STX17: variants seen among roughly 807,000 people sequenced by gnomAD.
STX17 encodes the protein syntaxin-17.
A neutral mutation model predicts 35.9 loss-of-function variants in STX17; 29 were observed. The observed-to-expected ratio is 0.81, with a 90% CI of 0.60 to 1.10. STX17 has a LOEUF of 1.10. STX17 is among the 50% of genes least tolerant of loss of function. STX17 has a pLI of 0.00. For synonymous variants in STX17, 92 were observed against 118.3 expected (o/e 0.78, Z 1.44); for missense variants, 312 against 352.3 (o/e 0.89, Z 0.92).
intron 3 of STX17, among the ~76,000 whole-genome samples, chr9:99,931,668 T>C (rs1258285370): frequency 6.6e-6 from 1 of 152,188 alleles, no homozygotes; most frequent in Non-Finnish European, 1.5e-5. Flanking sequence ...ATTTACTGTC[T>C]GGTTCTTTGT....
rs548304606 is a variant in STX17, at chr9:99,943,897, G to A, written c.190-7163G>A. Among the ~76,000 whole-genome samples the A allele has an allele frequency of 5.9e-5, 9 of 152,168 alleles. No individual in the cohort carries two copies. The South Asian group carries it at 1.9e-3, about 32-fold the overall frequency. On this transcript the variant is annotated intron_variant, in intron 3 of 7. Coordinates refer to ENST00000259400, the MANE Select transcript of STX17 (RefSeq NM_017919.3). ...TTCCTTTAAATATTTGGTAGAATTG[G>A]CCAGTAAAACTATCAGGCTGGGCTT...
intron 3 of STX17, among the ~76,000 whole-genome samples, chr9:99,931,812 A>G (rs1421379061): frequency 1.3e-5 from 2 of 152,034 alleles, no homozygotes; most frequent in Admixed American, 6.6e-5. Flanking sequence ...TTTTTCTGCT[A>G]TTATGATATT....
intron 1 of STX17, among the ~76,000 whole-genome samples, chr9:99,910,541 A>G (rs1366923323): frequency 6.6e-6 from 1 of 152,074 alleles, no homozygotes; most frequent in Non-Finnish European, 1.5e-5. Context: ...TTTTTATGTT[A>G]CTTTTTTCAA....
At chr9:99,932,195 C>G (rs774973486) in intron 3 of STX17, among the ~76,000 whole-genome samples, 1 of 152,166 alleles carries the variant, frequency 6.6e-6, no homozygotes, top group African/African-American at 2.4e-5. Flanking sequence ...CCAAAGAATA[C>G]ATCTGTGGTC....
At chr9:99,934,242 G>A (rs2118398091) in intron 3 of STX17, among the ~76,000 whole-genome samples, 1 of 152,230 alleles carries the variant, frequency 6.6e-6, no homozygotes, top group South Asian at 2.1e-4. Context: ...CACTTCATAA[G>A]AATCTTTAAT....
At chr9:99,941,846 A>G (rs1829370065) in intron 3 of STX17, among the ~76,000 whole-genome samples, 1 of 152,148 alleles carries the variant, frequency 6.6e-6, no homozygotes, top group Admixed American at 6.5e-5. Context: ...TCATTGCTGT[A>G]TATATTCTAT....
chr9:99,963,760 C>G (rs1368001082), intron 6 of STX17, among the ~76,000 whole-genome samples: 1 of 152,116 alleles, frequency 6.6e-6, no homozygotes, highest in Non-Finnish European at 1.5e-5. Context: ...TAGCAACATC[C>G]TACTTATCTA....
At chr9:99,906,992 C>G (rs890024354) in intron 1 of STX17, 2 of 151,534 alleles carry the variant, frequency 1.3e-5, no homozygotes, top group African/African-American at 4.8e-5. Context: ...CGCGTCCTGT[C>G]TCTGGCGCGC....
intron 4 of STX17, among the ~76,000 whole-genome samples, chr9:99,952,030 CT>C (rs753094064): frequency 2.0e-5 from 3 of 151,952 alleles, no homozygotes; most frequent in Non-Finnish European, 4.4e-5. Flanking sequence ...CCTATCCTAG[CT>C]TTGTTTTATA....
intron 4 of STX17, among the ~76,000 whole-genome samples, chr9:99,952,881 G>A (rs1228622074): frequency 6.8e-6 from 1 of 146,496 alleles, no homozygotes; most frequent in East Asian, 2.1e-4. Flanking sequence ...ACTGTTGTGG[G>A]GTAGGGGGAG....
intron 3 of STX17, among the ~76,000 whole-genome samples, chr9:99,948,436 G>A (rs1564069983): frequency 6.6e-6 from 1 of 151,894 alleles, no homozygotes; most frequent in Admixed American, 6.6e-5. Context: ...TTTGCATTAT[G>A]TTTGTGTTGG....
intron 3 of STX17, among the ~76,000 whole-genome samples, chr9:99,946,187 T>C (rs1324285921): frequency 2.6e-5 from 4 of 152,146 alleles, no homozygotes; most frequent in African/African-American, 7.2e-5. Flanking sequence ...ACAATTTATA[T>C]AGTATTTATA....
chr9:99,914,534 C>A (rs1294385667), intron 1 of STX17, among the ~76,000 whole-genome samples: 1 of 152,116 alleles, frequency 6.6e-6, no homozygotes, highest in African/African-American at 2.4e-5. Context: ...TTCAGAAAAT[C>A]TGGGTTCTTA....
chr9:99,909,365 T>C (rs778362104), intron 1 of STX17, among the ~76,000 whole-genome samples: 8 of 152,218 alleles, frequency 5.3e-5, no homozygotes, highest in Non-Finnish European at 1.2e-4. Flanking sequence ...AGTGATAGGA[T>C]TAGCAATTGT....
intron 3 of STX17, chr9:99,929,857 C>CT (rs1412031884): frequency 6.7e-6 from 1 of 149,700 alleles, no homozygotes; most frequent in East Asian, 1.9e-4. Context: ...TTAATTTTCT[C>CT]TAAATGCTCC....
Position 99,968,761 on chromosome 9 carries a change from A to C in STX17, c.*88A>C, listed in dbSNP as rs978507832. The C allele has an allele frequency of 6.5e-7, 1 of 1,531,182 alleles. No individual in the cohort carries two copies. Among genetic ancestry groups the C allele is most frequent in the Non-Finnish European group, 8.8e-7 (1 of 1,136,446 alleles). 94.8% of individuals were successfully genotyped at this position (1,531,182 alleles called of 1,614,324 possible). On this transcript the variant is annotated 3_prime_UTR_variant, in exon 8 of 8. Transcript: ENST00000259400. ...ACACTCCGTCACCTTTTGGAACACA[A>C]GTATATCAAGATAGTGGCTACTGAT...
chr9:99,910,051 G>GGTGAAACCCC (rs1828628264), intron 1 of STX17, among the ~76,000 whole-genome samples: 1 of 152,026 alleles, frequency 6.6e-6, no homozygotes, highest in Non-Finnish European at 1.5e-5. Flanking sequence ...TGGCCAACAT[G>GGTGAAACCCC]GTGAAACCCC....
intron 6 of STX17, among the ~76,000 whole-genome samples, chr9:99,964,787 C>G (rs1820079027): frequency 6.6e-6 from 1 of 152,096 alleles, no homozygotes. Flanking sequence ...CAATTCAGCT[C>G]TGTATGGAGT....
chr9:99,964,225 G>A (rs1250746656), intron 6 of STX17, among the ~76,000 whole-genome samples: 4 of 152,120 alleles, frequency 2.6e-5, no homozygotes, highest in Non-Finnish European at 2.9e-5. Context: ...CAGTTCATTG[G>A]TTTTGAATTT....
Sources: allele counts gnomAD v4.1 joint callset (sites outside exome capture counted in the v4.1 genomes callset), GRCh38; gene constraint gnomAD v4.1.1; transcripts MANE v1.5; gene names NCBI Gene and HGNC (gene_info 2026-07-23, HGNC 2026-07-21).